ATP8A2: variants seen among roughly 807,000 people sequenced by gnomAD.
The protein encoded by ATP8A2 is ATPase phospholipid transporting 8A2.
ATP8A2 carries 100 observed loss-of-function variants against 165.6 expected under a neutral mutation model. The observed-to-expected ratio is 0.60, with a 90% CI of 0.51 to 0.71. The LOEUF (loss-of-function observed/expected upper bound fraction) is 0.71. Ranked by LOEUF, ATP8A2 falls within the 30% of genes least tolerant of loss-of-function variation. ATP8A2 has a pLI of 0.00. For missense variants in ATP8A2, 1,227 were observed against 1,479.5 expected, an observed-to-expected ratio of 0.83 and a Z score of 2.80; for synonymous variants, 543 against 548.8, an observed-to-expected ratio of 0.99 and a Z score of 0.15.
At chr13:25,896,076 C>T (rs1319737753) in intron 33 of ATP8A2, among the ~76,000 whole-genome samples, 1 of 152,136 alleles carries the variant, frequency 6.6e-6, no homozygotes, top group Non-Finnish European at 1.5e-5. Flanking sequence ...CTTATGCTAG[C>T]TTTTGAATGT....
chr13:25,405,578 G>A (rs1165829811), intron 1 of ATP8A2, among the ~76,000 whole-genome samples: 2 of 152,134 alleles, frequency 1.3e-5, no homozygotes, highest in African/African-American at 4.8e-5. Context: ...AGCTTATGCA[G>A]GACCGGCTCC....
intron 24 of ATP8A2, among the ~76,000 whole-genome samples, chr13:25,693,018 C>T (rs771759410): frequency 1.3e-5 from 2 of 152,134 alleles, no homozygotes; most frequent in Non-Finnish European, 2.9e-5. Context: ...GGGTATGAAA[C>T]CTCCAGCCCT....
intron 27 of ATP8A2, among the ~76,000 whole-genome samples, chr13:25,816,713 A>AAT (rs1226087237): frequency 2.0e-5 from 3 of 152,088 alleles, no homozygotes; most frequent in African/African-American, 7.2e-5. Flanking sequence ...GAATTTTTAA[A>AAT]ATATATATAT....
At chr13:25,665,194 C>G (rs1322782934) in intron 24 of ATP8A2, among the ~76,000 whole-genome samples, 1 of 152,170 alleles carries the variant, frequency 6.6e-6, no homozygotes, top group African/African-American at 2.4e-5. Flanking sequence ...GGAACTATTT[C>G]CTAATAAGCA....
rs1165676451 is a variant in ATP8A2 at position 26,021,734 on chromosome 13, T to A, written c.*1749T>A. 2 of 152,144 alleles carry A rather than the reference T, an allele frequency of 1.3e-5. No homozygotes were observed. The highest frequency in any genetic ancestry group is 3.9e-4 in the East Asian group (2 of 5,192). 9.4% of individuals were successfully genotyped at this position (152,144 alleles called of 1,614,324 possible). ...GAGAGCATGTTTTGGATTTTCACTG[T>A]GGGGAAATGAATGAATTTATCACAT... On this transcript the variant is annotated 3_prime_UTR_variant, in exon 37 of 37. Transcript: ENST00000381655.
chr13:25,903,306 C>A (rs369695634), intron 33 of ATP8A2, among the ~76,000 whole-genome samples: 12 of 152,192 alleles, frequency 7.9e-5, no homozygotes, highest in African/African-American at 2.9e-4. Flanking sequence ...TGAATCTTTC[C>A]TTTCCTTCCT....
At chr13:25,854,203 C>T (rs987151954) in intron 30 of ATP8A2, among the ~76,000 whole-genome samples, 6 of 152,134 alleles carry the variant, frequency 3.9e-5, no homozygotes, top group African/African-American at 1.4e-4. Context: ...ATATGTCTTC[C>T]TGTATTCATA....
At chr13:25,386,903 A>G (rs1331318754) in intron 1 of ATP8A2, among the ~76,000 whole-genome samples, 2 of 149,296 alleles carry the variant, frequency 1.3e-5, no homozygotes, top group Non-Finnish European at 3.0e-5. Flanking sequence ...AGGCTGAAGC[A>G]GGAGAATGGC....
intron 1 of ATP8A2, among the ~76,000 whole-genome samples, chr13:25,431,274 G>A (rs748127750): frequency 3.3e-5 from 5 of 152,046 alleles, no homozygotes; most frequent in Non-Finnish European, 5.9e-5. Context: ...CCAGCCTCCC[G>A]AGTAGCTGGG....
intron 25 of ATP8A2, among the ~76,000 whole-genome samples, chr13:25,731,276 AAAAGAAAGAAAGAGAG>A (rs2043628577): frequency 6.7e-6 from 1 of 148,174 alleles, no homozygotes; most frequent in African/African-American, 2.6e-5. Context: ...GGGAGGAAGA[AAAAGAAAGAAAGAGAG>A]AGAGAAAGAA....
chr13:25,620,743 C>T (rs1326550412), intron 24 of ATP8A2, among the ~76,000 whole-genome samples: 1 of 152,064 alleles, frequency 6.6e-6, no homozygotes, highest in East Asian at 1.9e-4. Flanking sequence ...GAAATTAAGA[C>T]AAAATTCTTT....
At chr13:25,430,184 A>G (rs915850309) in intron 1 of ATP8A2, among the ~76,000 whole-genome samples, 1 of 152,082 alleles carries the variant, frequency 6.6e-6, no homozygotes, top group African/African-American at 2.4e-5. Flanking sequence ...CGGGTCCATG[A>G]GAGAGGTCCA....
At chr13:25,703,421 G>T (rs2042991147) in intron 25 of ATP8A2, among the ~76,000 whole-genome samples, 2 of 152,042 alleles carry the variant, frequency 1.3e-5, no homozygotes, top group Non-Finnish European at 2.9e-5. Flanking sequence ...GCTAAATCTG[G>T]AAAGTACCAT....
intron 24 of ATP8A2, among the ~76,000 whole-genome samples, chr13:25,666,164 A>C (rs981650306): frequency 2.0e-5 from 3 of 151,824 alleles, no homozygotes; most frequent in Non-Finnish European, 4.4e-5. Context: ...TAATTATTGA[A>C]TCTTAAGAAT....
chr13:25,779,365 G>GCCTT (rs74276317), intron 27 of ATP8A2, among the ~76,000 whole-genome samples: 1 of 136,362 alleles, frequency 7.3e-6, no homozygotes, highest in Non-Finnish European at 1.5e-5. Context: ...GAGCTTCAGA[G>GCCTT]CCTTGCAGGG....
At chr13:25,413,837 G>T (rs1162494235) in intron 1 of ATP8A2, among the ~76,000 whole-genome samples, 1 of 152,122 alleles carries the variant, frequency 6.6e-6, no homozygotes, top group East Asian at 1.9e-4. Context: ...TCCCTTAAAA[G>T]CTGCTCTATT....
chr13:25,647,121 C>A (rs904720642), intron 24 of ATP8A2, among the ~76,000 whole-genome samples: 4 of 152,108 alleles, frequency 2.6e-5, no homozygotes, highest in Admixed American at 6.6e-5. Flanking sequence ...TGTCTTTTAA[C>A]CCTTGTACAA....
chr13:25,416,179 C>A (rs534811816), intron 1 of ATP8A2, among the ~76,000 whole-genome samples: 1 of 152,170 alleles, frequency 6.6e-6, no homozygotes, highest in Non-Finnish European at 1.5e-5. Context: ...CATGTGCTCA[C>A]CTCCACCCAC....
At chr13:25,720,225 T>G (rs1593246109) in intron 25 of ATP8A2, among the ~76,000 whole-genome samples, 1 of 141,814 alleles carries the variant, frequency 7.1e-6, no homozygotes, top group Non-Finnish European at 1.5e-5. Context: ...TGGACTGCAG[T>G]GGTGCAATCT....
Sources: allele counts gnomAD v4.1 joint callset (sites outside exome capture counted in the v4.1 genomes callset), GRCh38; gene constraint gnomAD v4.1.1; transcripts MANE v1.5; gene names NCBI Gene and HGNC (gene_info 2026-07-23, HGNC 2026-07-21).